Variants in GORASP2 observed in about 807,000 individuals in gnomAD.
The protein encoded by GORASP2 is Golgi reassembly-stacking protein 2.
Under a neutral mutation model 45.7 loss-of-function variants are expected in GORASP2, and 22 were observed. The ratio of observed to expected loss-of-function variants is 0.48; its 90% confidence interval spans 0.34 to 0.69. The LOEUF (loss-of-function observed/expected upper bound fraction) is 0.69, where lower values mean the gene tolerates loss of function less well. Ranked by LOEUF, GORASP2 falls within the 30% of genes least tolerant of loss-of-function variation. The probability of loss-of-function intolerance (pLI) is 0.01; values close to 1 mark genes in which losing one functional copy is unlikely to be tolerated. For synonymous variants in GORASP2, 221 were observed against 215.6 expected (o/e 1.02, Z -0.22); for missense variants, 491 against 562.7 (o/e 0.87, Z 1.29).
At chr2:170,929,792 G>A (rs1199865151) in intron 1 of GORASP2, 1 of 482,134 alleles carries the variant, frequency 2.1e-6, no homozygotes, top group Non-Finnish European at 4.2e-6. Context: ...TGGTGACTGT[G>A]AAGGCAGCCT....
rs527633312 is a variant in GORASP2 at position 170,958,241 on chromosome 2, T to G, written c.823+1682T>G. 4.6e-5 allele frequency among the ~76,000 whole-genome samples: 7 copies of G among 152,372 alleles called. No individual in the cohort carries two copies. The East Asian group carries it at 1.3e-3, about 29-fold the overall frequency. Reference sequence around the variant, plus strand: ...ATCAATTATCAATATTGGGATATACTTCCCCTTTGCCTTCTTTGCTGGTTT... The same window carrying G: ...ATCAATTATCAATATTGGGATATACGTCCCCTTTGCCTTCTTTGCTGGTTT... On this transcript the variant is annotated intron_variant, in intron 7 of 9. Coordinates refer to ENST00000234160, the MANE Select transcript of GORASP2 (RefSeq NM_015530.5).
At chr2:170,942,603 A>G (rs1021527566) in intron 1 of GORASP2, among the ~76,000 whole-genome samples, 1 of 152,168 alleles carries the variant, frequency 6.6e-6, no homozygotes, top group Non-Finnish European at 1.5e-5. Context: ...TCCATTTATC[A>G]GTTGGGGGAC....
At chr2:170,958,287 G>A (rs945494091) in intron 7 of GORASP2, among the ~76,000 whole-genome samples, 8 of 151,920 alleles carry the variant, frequency 5.3e-5, no homozygotes, top group Middle Eastern at 3.4e-3. Flanking sequence ...CAGCTTTATC[G>A]ATAAATAATT....
intron 5 of GORASP2, 97 bp from the exon 6 acceptor site, chr2:170,954,553 T>C: frequency 1.1e-6 from 1 of 909,866 alleles, no homozygotes; most frequent in South Asian, 1.7e-5. Flanking sequence ...GCAACTTGAA[T>C]CTATGCTCTT....
chr2:170,944,951 A>G (rs1293450022), intron 1 of GORASP2, among the ~76,000 whole-genome samples: 2 of 152,118 alleles, frequency 1.3e-5, no homozygotes, highest in South Asian at 4.1e-4. Context: ...GGCCTTTCAC[A>G]TCTAATTGAT....
chr2:170,933,593 C>G (rs6433267), intron 1 of GORASP2, among the ~76,000 whole-genome samples: 93,003 of 152,094 alleles, frequency 0.61, 29,867 homozygotes, highest in East Asian at 0.95. Context: ...AAACAAGGTT[C>G]TCTAAAAAAT....
At chr2:170,934,270 TG>T (rs1012139801) in intron 1 of GORASP2, among the ~76,000 whole-genome samples, 2 of 151,794 alleles carry the variant, frequency 1.3e-5, no homozygotes, top group Non-Finnish European at 2.9e-5. Flanking sequence ...TTGTTGTTGT[TG>T]TTGTTTTGTT....
chr2:170,953,596 C>T (rs761111615), intron 5 of GORASP2, among the ~76,000 whole-genome samples: 3 of 151,890 alleles, frequency 2.0e-5, no homozygotes, highest in East Asian at 1.9e-4. Flanking sequence ...TCAGGACTTC[C>T]GATATATTTT....
At chr2:170,935,307 T>G (rs1200818911) in intron 1 of GORASP2, among the ~76,000 whole-genome samples, 1 of 151,888 alleles carries the variant, frequency 6.6e-6, no homozygotes, top group African/African-American at 2.4e-5. Context: ...CAGGCTGGAG[T>G]GCAGTGGCGC....
chr2:170,950,543 T>C (rs1198896239), intron 4 of GORASP2, among the ~76,000 whole-genome samples: 1 of 152,244 alleles, frequency 6.6e-6, no homozygotes, highest in African/African-American at 2.4e-5. Context: ...TTTGCATACC[T>C]GAAGTCTAAA....
At position 170,966,668 on chromosome 2, in the gene GORASP2, C is replaced by T. The variant is rs1475189393; in HGVS notation, c.*538C>T. ...CCTGAAGACTTGTGTTAAAGTTCTA[C>T]AGCGCGCACTGTTAACTGAACGTCT... is the stretch of plus-strand genomic sequence containing the variant. On this transcript the variant is annotated 3_prime_UTR_variant, in exon 10 of 10. Transcript: ENST00000234160. 1.2e-5 allele frequency: 2 copies of T among 164,542 alleles called. No homozygotes were observed. The highest frequency in any genetic ancestry group is 4.8e-5 in the African/African-American group (2 of 41,634). The allele number at this position is 164,542 out of a possible 1,614,324, so 10.2% of individuals were successfully genotyped here.
chr2:170,955,644 C>G (rs927301029), intron 6 of GORASP2, among the ~76,000 whole-genome samples: 2 of 152,242 alleles, frequency 1.3e-5, no homozygotes, highest in Non-Finnish European at 2.9e-5. Context: ...TTAAGAGCTG[C>G]TGGGAAGTTT....
chr2:170,955,513 C>T (rs1704405287), intron 6 of GORASP2, among the ~76,000 whole-genome samples: 1 of 152,148 alleles, frequency 6.6e-6, no homozygotes, highest in African/African-American at 2.4e-5. Context: ...GTCTGCACCA[C>T]TAAATAAAAA....
upstream of GORASP2, chr2:170,928,543 C>T (rs1419523655): frequency 6.6e-6 from 1 of 152,240 alleles, no homozygotes; most frequent in East Asian, 1.9e-4. Flanking sequence ...ATGAATACGA[C>T]CTGGCTACCT....
rs1319009316 is a variant in GORASP2 at position 170,929,414 on chromosome 2, C to T, written c.63+11C>T. 7.3e-7 allele frequency: 1 copy of T among 1,377,154 alleles called. No homozygotes were observed. The highest frequency in any genetic ancestry group is 2.9e-5 in the East Asian group (1 of 34,028). The allele number at this position is 1,377,154 out of a possible 1,614,324, so 85.3% of individuals were successfully genotyped here. ...TACCACGTTCTGCGGGTAAGGGCTC[C>T]GACGGCGGCCGGGGAGCTGCGGGCT... On this transcript the variant is annotated intron_variant, in intron 1 of 9. Transcript: ENST00000234160.
chr2:170,950,522 A>T (rs527442297), intron 4 of GORASP2, among the ~76,000 whole-genome samples: 1 of 152,264 alleles, frequency 6.6e-6, no homozygotes, highest in Admixed American at 6.5e-5. Context: ...TATGTGTAAT[A>T]TACAGAAATC....
intron 7 of GORASP2, among the ~76,000 whole-genome samples, chr2:170,956,861 C>T (rs1011650972): frequency 1.3e-5 from 2 of 151,948 alleles, no homozygotes; most frequent in African/African-American, 4.8e-5. Context: ...CAGCAGTGAG[C>T]CGTGATTGTG....
chr2:170,963,152 C>A (rs2105330036), intron 9 of GORASP2, among the ~76,000 whole-genome samples: 1 of 152,248 alleles, frequency 6.6e-6, no homozygotes, highest in East Asian at 1.9e-4. Context: ...GTGGGTGGAT[C>A]ACCTGAGGTT....
chr2:170,958,318 A>G (rs13025369), intron 7 of GORASP2, among the ~76,000 whole-genome samples: 1 of 152,142 alleles, frequency 6.6e-6, no homozygotes, highest in Non-Finnish European at 1.5e-5. Flanking sequence ...AAATTAACTC[A>G]CAATAAGTAA....
Sources: gnomAD v4.1 joint callset for allele counts (sites outside exome capture counted in the v4.1 genomes callset) on GRCh38, gnomAD v4.1.1 for gene constraint, MANE v1.5 for transcripts, NCBI Gene and HGNC (gene_info 2026-07-23, HGNC 2026-07-21) for gene names.